Variants in DTNBP1 observed in about 807,000 individuals in gnomAD.
DTNBP1 encodes the protein dysbindin.
In DTNBP1, 35 loss-of-function variants were observed where a neutral mutation model predicts 42.8. The ratio of observed to expected loss-of-function variants is 0.82; its 90% CI spans 0.63 to 1.09. The LOEUF (loss-of-function observed/expected upper bound fraction) is 1.09. DTNBP1 is among the 50% of genes least tolerant of loss of function. The pLI, the probability that DTNBP1 is intolerant of heterozygous loss-of-function variation, is 0.00. For synonymous variants in DTNBP1, 171 were observed against 162.2 expected (o/e 1.05, Z -0.41); for missense variants, 457 against 424.2 (o/e 1.08, Z -0.68).
chr6:15,579,124 A>C (rs1378135741), intron 7 of DTNBP1, among the ~76,000 whole-genome samples: 1 of 152,274 alleles, frequency 6.6e-6, no homozygotes, highest in Non-Finnish European at 1.5e-5. Context: ...TATTTACAAA[A>C]GCCAAGATAT....
At chr6:15,534,058 T>C (rs956779242) in intron 7 of DTNBP1, among the ~76,000 whole-genome samples, 4 of 152,148 alleles carry the variant, frequency 2.6e-5, no homozygotes, top group Non-Finnish European at 5.9e-5. Context: ...AAAAGGCAAA[T>C]GCTGTGTGCT....
intron 1 of DTNBP1, among the ~76,000 whole-genome samples, chr6:15,654,560 C>T (rs1323390315): frequency 3.3e-5 from 5 of 152,048 alleles, no homozygotes; most frequent in African/African-American, 7.2e-5. Flanking sequence ...CAAACTTTTA[C>T]TTTCTTAATT....
intron 7 of DTNBP1, among the ~76,000 whole-genome samples, chr6:15,544,388 T>C (rs975419619): frequency 6.6e-6 from 1 of 152,228 alleles, no homozygotes; most frequent in Non-Finnish European, 1.5e-5. Flanking sequence ...TATGAGTTCC[T>C]ACATGAAAAT....
At chr6:15,619,689 T>C (rs947193805) in intron 5 of DTNBP1, among the ~76,000 whole-genome samples, 7 of 152,154 alleles carry the variant, frequency 4.6e-5, no homozygotes, top group African/African-American at 1.7e-4. Context: ...TGAATTTTTA[T>C]TAATGAAGAT....
chr6:15,556,659 C>T (rs1263182744), intron 7 of DTNBP1, among the ~76,000 whole-genome samples: 1 of 152,182 alleles, frequency 6.6e-6, no homozygotes, highest in Non-Finnish European at 1.5e-5. Flanking sequence ...GCCACCTGAA[C>T]TTTTGATTCA....
intron 7 of DTNBP1, among the ~76,000 whole-genome samples, chr6:15,552,737 A>G (rs779736880): frequency 2.0e-5 from 3 of 152,268 alleles, no homozygotes; most frequent in Non-Finnish European, 4.4e-5. Flanking sequence ...TATGGTTTTG[A>G]AAACTGTGAT....
chr6:15,615,406 G>A lies in DTNBP1; in HGVS notation c.356-7C>T, dbSNP rs3829893. On this transcript the variant is annotated splice_polypyrimidine_tract_variant and splice_region_variant and intron_variant, in intron 5 of 9. Coordinates refer to ENST00000344537, the MANE Select transcript of DTNBP1 (RefSeq NM_032122.5). ...AAACTCGCCTCTAAATGAGCTGAAA[G>A]TATATAAAAATAAACAGACCTCAAA... 0.16 allele frequency: 253,938 copies of A among 1,613,078 alleles called. 21,374 individuals are homozygous for A. Among genetic ancestry groups the A allele is most frequent in the Middle Eastern group, 0.28 (1,707 of 6,058 alleles).
At chr6:15,574,522 T>C (rs1775481099) in intron 7 of DTNBP1, among the ~76,000 whole-genome samples, 1 of 152,238 alleles carries the variant, frequency 6.6e-6, no homozygotes, top group Non-Finnish European at 1.5e-5. Flanking sequence ...TTTAGATGCC[T>C]TGTTATTCAC....
chr6:15,661,369 G>T (rs1761608913), intron 1 of DTNBP1, among the ~76,000 whole-genome samples: 1 of 151,220 alleles, frequency 6.6e-6, no homozygotes, highest in African/African-American at 2.4e-5. Flanking sequence ...AAAAAAGGGG[G>T]GGAGGGTGGG....
At chr6:15,560,314 A>G in intron 7 of DTNBP1, among the ~76,000 whole-genome samples, 1 of 152,186 alleles carries the variant, frequency 6.6e-6, no homozygotes. Context: ...AAAAAAAAAA[A>G]AAGTGTTTGA....
At chr6:15,640,114 G>A (rs1020444381) in intron 3 of DTNBP1, among the ~76,000 whole-genome samples, 8 of 151,998 alleles carry the variant, frequency 5.3e-5, no homozygotes, top group Admixed American at 5.2e-4. Flanking sequence ...CTACTTTTAC[G>A]ACATGAAGCA....
chr6:15,661,318 C>A (rs928903143), intron 1 of DTNBP1, among the ~76,000 whole-genome samples: 1 of 147,438 alleles, frequency 6.8e-6, no homozygotes, highest in Non-Finnish European at 1.5e-5. Context: ...AGCGCCACTG[C>A]GCTCCAGCCT....
chr6:15,549,491 T>A (rs191672159), intron 7 of DTNBP1, among the ~76,000 whole-genome samples: 15,048 of 77,922 alleles, frequency 0.19, 1,511 homozygotes, highest in African/African-American at 0.35. Context: ...TCTCAGGGAT[T>A]AAAAAAAAAA....
chr6:15,570,584 A>T (rs1775299397), intron 7 of DTNBP1, among the ~76,000 whole-genome samples: 1 of 152,244 alleles, frequency 6.6e-6, no homozygotes, highest in Non-Finnish European at 1.5e-5. Flanking sequence ...TATAAAACCC[A>T]AACCCCACCT....
chr6:15,535,073 CAT>C (rs1773131430), intron 7 of DTNBP1, among the ~76,000 whole-genome samples: 2 of 152,132 alleles, frequency 1.3e-5, no homozygotes, highest in South Asian at 4.2e-4. Flanking sequence ...GTAATTCTCA[CAT>C]GTCAGGGGAG....
chr6:15,646,282 C>T (rs1032473102), intron 3 of DTNBP1, among the ~76,000 whole-genome samples: 2 of 151,160 alleles, frequency 1.3e-5, no homozygotes, highest in South Asian at 2.1e-4. Flanking sequence ...CACACACACA[C>T]ACACATATAC....
chr6:15,632,052 T>G, intron 4 of DTNBP1, among the ~76,000 whole-genome samples: 1 of 152,214 alleles, frequency 6.6e-6, no homozygotes, highest in East Asian at 1.9e-4. Context: ...TTGAACATAT[T>G]TTACTGTGTA....
intron 7 of DTNBP1, among the ~76,000 whole-genome samples, chr6:15,541,313 G>C (rs1773548897): frequency 6.6e-6 from 1 of 150,446 alleles, no homozygotes; most frequent in African/African-American, 2.5e-5. Context: ...ATATGGGAGA[G>C]GTGAAATGAT....
intron 5 of DTNBP1, among the ~76,000 whole-genome samples, chr6:15,621,420 T>A (rs979572642): frequency 6.6e-6 from 1 of 152,234 alleles, no homozygotes; most frequent in Non-Finnish European, 1.5e-5. Context: ...GAAATTCTGT[T>A]CTAGGTACAA....
Sources: gnomAD v4.1 joint callset for allele counts (sites outside exome capture counted in the v4.1 genomes callset) on GRCh38, gnomAD v4.1.1 for gene constraint, MANE v1.5 for transcripts, NCBI Gene and HGNC (gene_info 2026-07-23, HGNC 2026-07-21) for gene names.